PSME4: variants seen among roughly 807,000 people sequenced by gnomAD.
PSME4 encodes proteasome activator complex subunit 4.
Under a neutral mutation model 253.9 loss-of-function variants are expected in PSME4, and 89 were observed. That is an observed-to-expected ratio of 0.35 (90% CI 0.30 to 0.42). PSME4 has a LOEUF of 0.42. PSME4 is among the 10% of genes least tolerant of loss of function. The pLI is 1.00. For synonymous variants in PSME4, 851 were observed against 759.2 expected (o/e 1.12, Z -1.99); for missense variants, 2,014 against 2,195.2 (o/e 0.92, Z 1.65).
In PSME4 at chr2:53,899,955, G is replaced by A; in HGVS notation, c.3348C>T (p.Asn1116=). 1.2e-6 allele frequency: 2 copies of A among 1,613,244 alleles called. No individual in the cohort carries two copies. Among genetic ancestry groups the A allele is most frequent in the East Asian group, 4.5e-5 (2 of 44,858 alleles). ...LLQQSKNPSI[N]QILLSPEKIK... ...TTTTTTCTGGGCTAAGCAATATCTG[G>A]TTGATAGAGGGGTTTTTTGACTGTT... Residue 1116 remains asparagine, a synonymous_variant, in exon 29 of 47, where the codon AAC becomes AAT. Coordinates refer to ENST00000404125, the MANE Select transcript of PSME4 (RefSeq NM_014614.3).
intron 3 of PSME4, among the ~76,000 whole-genome samples, chr2:53,943,159 C>T (rs1235835283): frequency 6.6e-6 from 1 of 152,194 alleles, no homozygotes; most frequent in Non-Finnish European, 1.5e-5. Context: ...AACTAGGCTG[C>T]TCATAGCCAG....
intron 10 of PSME4, among the ~76,000 whole-genome samples, chr2:53,930,428 T>C (rs948331920): frequency 1.3e-5 from 2 of 152,210 alleles, no homozygotes; most frequent in South Asian, 2.1e-4. Context: ...ACATTAACTG[T>C]TGGCTTCTGC....
intron 1 of PSME4, among the ~76,000 whole-genome samples, chr2:53,968,539 T>TGTTTCC (rs1670860393): frequency 1.3e-5 from 2 of 152,170 alleles, no homozygotes; most frequent in Admixed American, 1.3e-4. Context: ...ACAGGTCACC[T>TGTTTCC]TAACATGACT....
At chr2:53,944,307 C>T (rs963328008) in intron 3 of PSME4, among the ~76,000 whole-genome samples, 1 of 151,924 alleles carries the variant, frequency 6.6e-6, no homozygotes, top group Non-Finnish European at 1.5e-5. Context: ...TACAGGCATG[C>T]GCCATCACAC....
At chr2:53,921,808 C>T (rs1381728820) in intron 17 of PSME4, among the ~76,000 whole-genome samples, 1 of 134,230 alleles carries the variant, frequency 7.4e-6, no homozygotes, top group Non-Finnish European at 1.6e-5. Context: ...GCGGAGCTTG[C>T]AGTGAGCCGA....
chr2:53,890,905 T>C (rs1172801207), intron 36 of PSME4, among the ~76,000 whole-genome samples: 2 of 152,276 alleles, frequency 1.3e-5, no homozygotes, highest in East Asian at 3.9e-4. Flanking sequence ...CACATGCCTG[T>C]AATCCCAACT....
At chr2:53,887,005 A>C (rs554722814) in intron 40 of PSME4, among the ~76,000 whole-genome samples, 1 of 152,194 alleles carries the variant, frequency 6.6e-6, no homozygotes, top group East Asian at 1.9e-4. Flanking sequence ...GGGAGGGAAA[A>C]TGAGGAGCTG....
At chr2:53,891,858 CA>C (rs76144333) in intron 36 of PSME4, among the ~76,000 whole-genome samples, 60,773 of 116,606 alleles carry the variant, frequency 0.52, 13,253 homozygotes, top group East Asian at 0.71. Context: ...TAAGACTGTC[CA>C]AAAAAAAAAA....
intron 8 of PSME4, chr2:53,932,992 A>C: frequency 4.4e-6 from 2 of 454,646 alleles, no homozygotes; most frequent in South Asian, 7.6e-5. Context: ...CAACATAAAA[A>C]ACTAAAAAAA....
At chr2:53,929,632 C>G (rs1371741565) in intron 10 of PSME4, among the ~76,000 whole-genome samples, 16 of 151,456 alleles carry the variant, frequency 1.1e-4, no homozygotes, top group Non-Finnish European at 2.4e-4. Flanking sequence ...ATACCAAACT[C>G]TTTAACAGAA....
At chr2:53,908,188 T>C (rs1261646261) in intron 24 of PSME4, 132 bp downstream of exon 24, 1 of 661,766 alleles carries the variant, frequency 1.5e-6, no homozygotes, top group Non-Finnish European at 2.5e-6. Context: ...TGTTTTTAAC[T>C]TTTACATACT....
chr2:53,959,832 C>T lies in PSME4; in HGVS notation c.243-10549G>A, dbSNP rs535129852. On this transcript the variant is annotated intron_variant, in intron 1 of 46. Coordinates refer to ENST00000404125, the MANE Select transcript of PSME4 (RefSeq NM_014614.3). Reference sequence around the variant, plus strand: ...GCATTTCTAGAGCAAACAACACATACAAGACAATAATGACTCAAACAGTTC... The same window carrying T: ...GCATTTCTAGAGCAAACAACACATATAAGACAATAATGACTCAAACAGTTC... Among the ~76,000 whole-genome samples, 8 of 152,268 alleles carry T rather than the reference C, an allele frequency of 5.3e-5. No individual in the cohort carries two copies. The East Asian group carries it at 1.5e-3, about 29-fold the overall frequency.
chr2:53,895,153 G>T, intron 33 of PSME4, 77 bp from the exon 34 acceptor site: 1 of 1,318,406 alleles, frequency 7.6e-7, no homozygotes, highest in Non-Finnish European at 1.1e-6. Context: ...GCATTAGAAG[G>T]CACTTTTAAT....
intron 46 of PSME4, 150 bp downstream of exon 46, chr2:53,865,935 A>G: frequency 1.2e-6 from 1 of 835,298 alleles, no homozygotes; most frequent in Non-Finnish European, 1.8e-6. Flanking sequence ...CAATGGCCGT[A>G]GCAAAAGCCA....
chr2:53,932,440 C>T (rs1040151392), intron 9 of PSME4, among the ~76,000 whole-genome samples: 3 of 152,092 alleles, frequency 2.0e-5, no homozygotes, highest in Admixed American at 1.3e-4. Context: ...ATTTTTGTTA[C>T]CATTTTTTTG....
rs554500272 is a variant in PSME4 at position 53,958,215 on chromosome 2, G to A, written c.243-8932C>T. The stretch of plus-strand genomic sequence containing the variant: ...AAAAAAAAAAAAAAAAATTAGCCGG[G>A]CATGGTGGCGTGCACCTGTAATCCC... On this transcript the variant is annotated intron_variant, in intron 1 of 46. Transcript: ENST00000404125. Among the ~76,000 whole-genome samples, 3 of 151,434 alleles carry A rather than the reference G, an allele frequency of 2.0e-5. No homozygotes were observed. The East Asian group carries it at 5.8e-4, about 29-fold the overall frequency.
chr2:53,935,854 A>G (rs1669081210), intron 7 of PSME4, among the ~76,000 whole-genome samples: 1 of 152,138 alleles, frequency 6.6e-6, no homozygotes, highest in Admixed American at 6.6e-5. Context: ...TCTCCTTTAC[A>G]ACATAAAATT....
intron 44 of PSME4, 50 bp downstream of exon 44, chr2:53,869,326 C>A: frequency 6.7e-7 from 1 of 1,497,054 alleles, no homozygotes; most frequent in Non-Finnish European, 9.1e-7. Context: ...GCCTGGTTAA[C>A]CCTCATTAAT....
chr2:53,945,974 C>T (rs960464640), intron 3 of PSME4, among the ~76,000 whole-genome samples: 20 of 152,182 alleles, frequency 1.3e-4, no homozygotes, highest in African/African-American at 4.6e-4. Context: ...GTTTCAGTCA[C>T]AACGTCTCTT....
Sources: gnomAD v4.1 joint callset for allele counts (sites outside exome capture counted in the v4.1 genomes callset) on GRCh38, gnomAD v4.1.1 for gene constraint, MANE v1.5 for transcripts, NCBI Gene and HGNC (gene_info 2026-07-23, HGNC 2026-07-21) for gene names.